DNAJB1: variants seen among roughly 807,000 people sequenced by gnomAD.
DNAJB1 encodes DnaJ heat shock protein family (Hsp40) member B1.
A neutral mutation model predicts 24.0 loss-of-function variants in DNAJB1; 14 were observed. The ratio of observed to expected loss-of-function variants is 0.58; its 90% CI spans 0.39 to 0.91. The LOEUF is 0.91. Among genes scored for constraint, DNAJB1 ranks in the 40% least tolerant of loss-of-function variants. DNAJB1 has a pLI of 0.00. For synonymous variants in DNAJB1, 262 were observed against 174.4 expected, an observed-to-expected ratio of 1.50 and a Z score of -3.96; for missense variants, 517 against 458.1, an observed-to-expected ratio of 1.13 and a Z score of -1.17.
At chr19:14,544,065 G>GC (rs1221805933) in intron 1 of DNAJB1, among the ~76,000 whole-genome samples, 2 of 152,184 alleles carry the variant, frequency 1.3e-5, no homozygotes, top group African/African-American at 4.8e-5. Flanking sequence ...AAATCTCCCA[G>GC]CCAGGGGTGG....
chr19:14,526,382 T>G (rs1234821605), intron 2 of DNAJB1, among the ~76,000 whole-genome samples: 1 of 152,154 alleles, frequency 6.6e-6, no homozygotes, highest in Non-Finnish European at 1.5e-5. Flanking sequence ...GTGGCCAGTC[T>G]TCATTCCAAG....
upstream of DNAJB1, among the ~76,000 whole-genome samples, chr19:14,521,065 C>T (rs2072354452): frequency 6.6e-6 from 1 of 152,098 alleles, no homozygotes; most frequent in South Asian, 2.1e-4. Flanking sequence ...ACTTTATAAA[C>T]TAGTATTTTA....
chr19:14,517,217 C>G (rs1183602691), intron 1 of DNAJB1, 171 bp from the exon 2 acceptor site: 3 of 629,170 alleles, frequency 4.8e-6, no homozygotes, highest in Non-Finnish European at 8.1e-6. Flanking sequence ...AGCAGAGACG[C>G]CCCCCTACCA....
rs1217167388 is a variant in DNAJB1 at position 14,517,021 on chromosome 19, G to A, written c.237C>T (p.Gly79=). ...EEGLKGSGPS[G]GSGGGANGTS... ...TACCATTGGCACCACCGCCGCTACC[G>A]CCACTGGGGCCACTCCCCTTTAGGC... The change falls in exon 2 of 3, where the codon GGC becomes GGT. Residue 79 remains glycine (G), a synonymous_variant. Coordinates refer to ENST00000254322, the MANE Select transcript of DNAJB1 (RefSeq NM_006145.3). 3.7e-6 allele frequency: 6 copies of A among 1,610,032 alleles called. No homozygotes were observed. The highest frequency in any genetic ancestry group is 2.2e-5 in the East Asian group (1 of 44,862).
At chr19:14,556,956 G>A (rs1353999065) in intron 1 of DNAJB1, among the ~76,000 whole-genome samples, 1 of 152,068 alleles carries the variant, frequency 6.6e-6, no homozygotes, top group East Asian at 1.9e-4. Context: ...TGACCAGCTG[G>A]GCGAGGCATC....
chr19:14,550,011 T>A (rs1054660679), intron 1 of DNAJB1, among the ~76,000 whole-genome samples: 1 of 151,998 alleles, frequency 6.6e-6, no homozygotes, highest in African/African-American at 2.4e-5. Flanking sequence ...TCCCCTTTCC[T>A]TTCTTTCTTC....
chr19:14,543,419 ATTTTTTTTTTTTTTTTTTTTT>A (rs1169742953), intron 1 of DNAJB1, among the ~76,000 whole-genome samples: 307 of 21,842 alleles, frequency 0.014, 10 homozygotes, highest in Non-Finnish European at 0.019. Context: ...ATATATATAT[ATTTTTTTTTTTTTTTTTTTTT>A]TTTTTTTTTT....
chr19:14,540,931 T>C (rs1201090108), intron 1 of DNAJB1, among the ~76,000 whole-genome samples: 5 of 151,996 alleles, frequency 3.3e-5, no homozygotes, highest in Non-Finnish European at 7.4e-5. Flanking sequence ...GCTTTCCGGT[T>C]TCAAGCCATT....
chr19:14,547,202 G>T (rs2073337685), intron 1 of DNAJB1, among the ~76,000 whole-genome samples: 1 of 152,042 alleles, frequency 6.6e-6, no homozygotes, highest in East Asian at 1.9e-4. Flanking sequence ...GAAGCATTTA[G>T]ACTCTAGATA....
chr19:14,547,148 C>G lies in DNAJB1; in HGVS notation c.-214+3060G>C, dbSNP rs192098096. 2.0e-5 allele frequency among the ~76,000 whole-genome samples: 3 copies of G among 152,136 alleles called. No homozygotes were observed. The East Asian group carries it at 5.8e-4, about 29-fold the overall frequency. On this transcript the variant is annotated intron_variant, in intron 1 of 3. Coordinates refer to the DNAJB1 transcript ENST00000676982. ...CAATGTTAAAGAGCTTATTCATAGC[C>G]TCTTATTTTTTTTTAAAGGGATAAT...
upstream of DNAJB1, among the ~76,000 whole-genome samples, chr19:14,522,936 G>A (rs772329348): frequency 5.3e-5 from 8 of 152,160 alleles, no homozygotes; most frequent in Admixed American, 1.3e-4. Context: ...AGATTAGGCC[G>A]GGTGCGGTGG....
At chr19:14,552,785 C>T (rs2073579557), upstream of DNAJB1, among the ~76,000 whole-genome samples, 1 of 151,788 alleles carries the variant, frequency 6.6e-6, no homozygotes, top group Non-Finnish European at 1.5e-5. Flanking sequence ...ATCCACCCGC[C>T]TCGGCCTCCC....
At chr19:14,535,455 C>T (rs1305197358) in intron 1 of DNAJB1, among the ~76,000 whole-genome samples, 18 of 125,792 alleles carry the variant, frequency 1.4e-4, no homozygotes, top group Non-Finnish European at 7.8e-5. Flanking sequence ...TGCAGTGAGC[C>T]GAGATCGCGC....
At position 14,540,958 on chromosome 19, in the gene DNAJB1, C is replaced by T. The variant is rs10404157; in HGVS notation, c.-214+9250G>A. On this transcript the variant is annotated intron_variant, in intron 1 of 3. Coordinates refer to the DNAJB1 transcript ENST00000676982. ...CAAGCCATTCTTTTGCCTCAGGCTC[C>T]GGAGTAACTGGGACTACAGGCCACA... 2.1e-3 allele frequency among the ~76,000 whole-genome samples: 324 copies of T among 151,926 alleles called. 2 individuals carry two copies. Among genetic ancestry groups the T allele is most frequent in the Middle Eastern group, 6.8e-3 (2 of 292 alleles).
At chr19:14,546,683 A>T (rs943167227) in intron 1 of DNAJB1, among the ~76,000 whole-genome samples, 2 of 151,862 alleles carry the variant, frequency 1.3e-5, no homozygotes, top group African/African-American at 2.4e-5. Flanking sequence ...CTTAAACATT[A>T]TTTTTTCTTT....
At position 14,546,479 on chromosome 19, in the gene DNAJB1, TG is replaced by T. The variant is rs558519471; in HGVS notation, c.-214+3728del. On this transcript the variant is annotated intron_variant, in intron 1 of 3. Transcript: ENST00000676982. ...GCACGTGTCTGTAATCCTGGCTACTTGCGAGGCTGAGGCAGGAGAATTGCTT... is the reference window on the plus strand; with the variant it reads ...GCACGTGTCTGTAATCCTGGCTACTTCGAGGCTGAGGCAGGAGAATTGCTT... Among the ~76,000 whole-genome samples, 1,321 of 152,190 alleles carry T rather than the reference TG, an allele frequency of 8.7e-3. 8 individuals carry two copies. The highest frequency in any genetic ancestry group is 0.015 in the Non-Finnish European group (1,004 of 68,006).
chr19:14,529,430 C>T (rs1413589584), upstream of DNAJB1: 7 of 614,856 alleles, frequency 1.1e-5, no homozygotes, highest in African/African-American at 1.8e-5. Flanking sequence ...AGGCGTTCCG[C>T]CCCCTTCGAT....
At position 14,557,114 on chromosome 19, in the gene DNAJB1, C is replaced by CTTATTTATTTATTTATTTAT. The variant is rs3050003; in HGVS notation, c.-2165-2816_-2165-2797dup. Among the ~76,000 whole-genome samples the CTTATTTATTTATTTATTTAT allele has an allele frequency of 1.7e-3, 235 of 140,446 alleles. 1 individual carries two copies. The highest frequency in any genetic ancestry group is 2.3e-3 in the Non-Finnish European group (148 of 65,402). 92.1% of individuals were successfully genotyped at this position (140,446 alleles called of 152,430 possible). On this transcript the variant is annotated intron_variant, in intron 1 of 5. Coordinates refer to the DNAJB1 transcript ENST00000679223. ...GCTGTTCTGCTAGTGTTGGTCTAAT[C>CTTATTTATTTATTTATTTAT]TTATTTATTTATTTATTTATTTATT...
chr19:14,543,680 C>T lies in DNAJB1; in HGVS notation c.-214+6528G>A, dbSNP rs978925944. Among the ~76,000 whole-genome samples the T allele has an allele frequency of 1.8e-3, 270 of 149,640 alleles. 2 individuals carry two copies. Among genetic ancestry groups the T allele is most frequent in the African/African-American group, 6.2e-3 (251 of 40,786 alleles). On this transcript the variant is annotated intron_variant, in intron 1 of 3. Coordinates refer to the DNAJB1 transcript ENST00000676982. ...GTCTCGATCTCCTGACCTCGTGATCCTCCCGCCTCGGCCTCCCAAAGTGCT... is the reference window on the plus strand; with the variant it reads ...GTCTCGATCTCCTGACCTCGTGATCTTCCCGCCTCGGCCTCCCAAAGTGCT...
Sources: gnomAD v4.1 joint callset for allele counts (sites outside exome capture counted in the v4.1 genomes callset) on GRCh38, gnomAD v4.1.1 for gene constraint, MANE v1.5 for transcripts, NCBI Gene and HGNC (gene_info 2026-07-23, HGNC 2026-07-21) for gene names.